RNF207: variants seen among roughly 807,000 people sequenced by gnomAD.
RNF207 encodes OTTHUMG00000001089.
A neutral mutation model predicts 79.0 loss-of-function variants in RNF207; 72 were observed. That is an observed-to-expected ratio of 0.91 (90% confidence interval 0.75 to 1.11). RNF207 has a LOEUF of 1.11. RNF207 is among the 50% of genes least tolerant of loss of function. The pLI, the probability that RNF207 is intolerant of heterozygous loss-of-function variation, is 0.00. For synonymous variants in RNF207, 348 were observed against 366.2 expected (o/e 0.95, Z 0.57); for missense variants, 936 against 855.8 (o/e 1.09, Z -1.17).
chr1:6,213,775 T>C (rs988061187), intron 16 of RNF207, among the ~76,000 whole-genome samples: 1 of 152,110 alleles, frequency 6.6e-6, no homozygotes, highest in Admixed American at 6.5e-5. Flanking sequence ...ACTTCATCAA[T>C]GTAAGACAAG....
chr1:6,217,343 T>C lies in RNF207; in HGVS notation c.1653-946T>C, dbSNP rs924253385. 6.6e-6 allele frequency among the ~76,000 whole-genome samples: 1 copy of C among 152,144 alleles called. No homozygotes were observed. The highest frequency in any genetic ancestry group is 1.5e-5 in the Non-Finnish European group (1 of 68,026). On this transcript the variant is annotated intron_variant, in intron 16 of 17. Coordinates refer to ENST00000377939, the MANE Select transcript of RNF207 (RefSeq NM_207396.3). The surrounding 1 kb of genome is among the most constrained non-coding windows in gnomAD (Gnocchi z 4.2). Reference sequence around the variant, plus strand: ...TTCTCCACAGCCTACGCTCACTCCTTGGGCGACCTCATTCAGTCCCTGGCT... The same window carrying C: ...TTCTCCACAGCCTACGCTCACTCCTCGGGCGACCTCATTCAGTCCCTGGCT...
In RNF207 at chr1:6,220,262, A is replaced by T. The variant is rs921218387; in HGVS notation, c.*855A>T. Reference sequence around the variant, plus strand: ...TAGCTTGGGATGACTCCCAGTCCACATGGAAAACATCAGGGAGTGACAATC... The same window carrying T: ...TAGCTTGGGATGACTCCCAGTCCACTTGGAAAACATCAGGGAGTGACAATC... On this transcript the variant is annotated 3_prime_UTR_variant, in exon 18 of 18. Transcript: ENST00000377939. The T allele has an allele frequency of 6.6e-6, 1 of 152,192 alleles. No homozygotes were observed. 9.4% of individuals were successfully genotyped at this position (152,192 alleles called of 1,614,324 possible).
chr1:6,213,074 C>T lies in RNF207; in HGVS notation c.1543C>T (p.His515Tyr), dbSNP rs756348359. ...TGGCCTTGGCCCCACAGCCCAGCTC[C>T]ATGACCTTCTCCAGCTGAGGCAGGA... ...NEQEIYEAQL[H>Y]DLLQLRQENA... The change falls in exon 16 of 18, where the codon CAT becomes TAT. Residue 515 changes from histidine (H) to tyrosine (Y), a missense_variant. His to Tyr is a moderately conservative substitution (Grantham distance 83). Coordinates refer to ENST00000377939, the MANE Select transcript of RNF207 (RefSeq NM_207396.3). The T allele has an allele frequency of 6.2e-7, 1 of 1,612,422 alleles. No homozygotes were observed. Among genetic ancestry groups the T allele is most frequent in the Non-Finnish European group, 8.5e-7 (1 of 1,178,802 alleles).
At chr1:6,210,487 C>A (rs776106757) in intron 10 of RNF207, 49 bp downstream of exon 10, 14 of 1,478,880 alleles carry the variant, frequency 9.5e-6, no homozygotes, top group African/African-American at 1.4e-5. Flanking sequence ...CAGGAGCCCA[C>A]CCTGCAGACC....
In RNF207 at chr1:6,209,448, C is replaced by A; in HGVS notation, c.662C>A (p.Ala221Asp). Residue 221 changes from alanine to aspartate, a missense_variant, in exon 7 of 18, where the codon GCC becomes GAC. By Grantham distance (126) the Ala-to-Asp change is moderately radical. Transcript: ENST00000377939. ...GCCCTGCAGACGGCCACGCGGGAGG[C>A]CATCGCGCTGCTGCAGGCCATGGTG... ...VKALQTATRE[A>D]IALLQAMVEE... 1 of 1,515,600 alleles carries A rather than the reference C, an allele frequency of 6.6e-7. No homozygotes were observed. The highest frequency in any genetic ancestry group is 8.8e-7 in the Non-Finnish European group (1 of 1,137,062). The allele number at this position is 1,515,600 out of a possible 1,614,324, so 93.9% of individuals were successfully genotyped here.
chr1:6,212,085 G>A, intron 13 of RNF207, 32 bp downstream of exon 13: 1 of 1,572,154 alleles, frequency 6.4e-7, no homozygotes, highest in Admixed American at 1.8e-5. Context: ...GGAGGGGGGA[G>A]ATGTCCTAAC....
At position 6,211,313 on chromosome 1, in the gene RNF207, G is replaced by T. The variant is rs1668159524; in HGVS notation, c.1109+195G>T. ...GGCGAGTCCACTAAGTAGGGGAACA[G>T]GAAGCCCTGGACCTGAAGTCCATGG... is the stretch of plus-strand genomic sequence containing the variant. On this transcript the variant is annotated intron_variant, in intron 12 of 17. Transcript: ENST00000377939. The surrounding 1 kb of genome is among the most constrained non-coding windows in gnomAD (Gnocchi z 4.2). Among the ~76,000 whole-genome samples the T allele has an allele frequency of 6.6e-6, 1 of 152,202 alleles. No individual in the cohort carries two copies. The highest frequency in any genetic ancestry group is 1.5e-5 in the Non-Finnish European group (1 of 68,030).
In RNF207 at chr1:6,221,102, CCAAA is replaced by C. The variant is rs1668536040; in HGVS notation, c.*1698_*1701del. On this transcript the variant is annotated 3_prime_UTR_variant, in exon 18 of 18. Transcript: ENST00000377939. The stretch of plus-strand genomic sequence containing the variant: ...GGAATTCAGAAAGAAATTGAGGAGG[CCAAA>C]CACACGTCGTTTGAGGCTAAAGGCT... 1 of 152,348 alleles carries C rather than the reference CCAAA, an allele frequency of 6.6e-6. No individual in the cohort carries two copies. The highest frequency in any genetic ancestry group is 2.4e-5 in the African/African-American group (1 of 41,432). The allele number at this position is 152,348 out of a possible 1,614,324, so 9.4% of individuals were successfully genotyped here. A position where few individuals can be genotyped will look rare whatever the true frequency, so the allele number is the denominator to read the frequency against.
intron 9 of RNF207, 29 bp downstream of exon 9, chr1:6,210,324 C>CCCT (rs779682896): frequency 5.0e-6 from 8 of 1,612,788 alleles, no homozygotes; most frequent in African/African-American, 1.3e-5. Context: ...GCGGGTGGGT[C>CCCT]CCTCCTCCTC....
intron 17 of RNF207, among the ~76,000 whole-genome samples, chr1:6,218,587 C>T (rs1442721960): frequency 6.6e-6 from 1 of 152,166 alleles, no homozygotes; most frequent in Non-Finnish European, 1.5e-5. Context: ...TAGACAGAAC[C>T]CCATTTTACC....
chr1:6,212,333 G>A lies in RNF207; in HGVS notation c.1399G>A (p.Val467Ile), dbSNP rs530556889. 6.6e-5 allele frequency: 107 copies of A among 1,613,918 alleles called. No homozygotes were observed. In the East Asian group the frequency reaches 7.8e-4, roughly 12 times the overall value. ...CATCAAGGCGGAGATCATGGGAGACGTCCTGCACAAGTCCCTGCAACTGGA... is the reference window on the plus strand; with the variant it reads ...CATCAAGGCGGAGATCATGGGAGACATCCTGCACAAGTCCCTGCAACTGGA... Reference protein sequence around the residue: ...SLIKAEIMGDVLHKSLQLDVQ... With the variant: ...SLIKAEIMGDILHKSLQLDVQ... The change falls in exon 14 of 18, where the codon GTC becomes ATC. Residue 467 changes from valine to isoleucine, a missense_variant. By Grantham distance (29) the Val-to-Ile change is conservative. Coordinates refer to ENST00000377939, the MANE Select transcript of RNF207 (RefSeq NM_207396.3).
At chr1:6,208,436 G>C (rs1294812867) in intron 3 of RNF207, 1 of 160,546 alleles carries the variant, frequency 6.2e-6, no homozygotes, top group East Asian at 1.9e-4. Context: ...CTTCTGCCTC[G>C]GCCTCCCGAG....
Position 6,207,544 on chromosome 1 carries a change from G to T in RNF207, c.324+33G>T. 1 of 1,574,592 alleles carries T rather than the reference G, an allele frequency of 6.4e-7. No individual in the cohort carries two copies. The highest frequency in any genetic ancestry group is 8.6e-7 in the Non-Finnish European group (1 of 1,163,182). On this transcript the variant is annotated intron_variant, in intron 3 of 17. Transcript: ENST00000377939. This position sits in a 1 kb window ranked among gnomAD's most constrained non-coding sequence, Gnocchi z 4.5. ...CGGCAGGGCGGGTGGGTGAGGAGCA[G>T]AGGGTACCCGGTTGCACAGTCCCCA...
At position 6,212,225 on chromosome 1, in the gene RNF207, G is replaced by C; in HGVS notation, c.1297-6G>C. The C allele has an allele frequency of 1.2e-6, 2 of 1,610,378 alleles. No homozygotes were observed. Among genetic ancestry groups the C allele is most frequent in the Non-Finnish European group, 1.7e-6 (2 of 1,178,318 alleles). ...ACCCACGCTCTCACACAGCCTCTCT[G>C]TGCAGCACCTGCAGGCAGAGATGCA... On this transcript the variant is annotated splice_region_variant and splice_polypyrimidine_tract_variant and intron_variant, in intron 13 of 17. Transcript: ENST00000377939.
Position 6,207,640 on chromosome 1 carries a change from G to T in RNF207, c.324+129G>T. The T allele has an allele frequency of 9.1e-7, 1 of 1,100,320 alleles. No homozygotes were observed. Among genetic ancestry groups the T allele is most frequent in the Non-Finnish European group, 1.3e-6 (1 of 748,248 alleles). 68.2% of individuals were successfully genotyped at this position (1,100,320 alleles called of 1,614,324 possible). A position where few individuals can be genotyped will look rare whatever the true frequency, so the allele number is the denominator to read the frequency against. On this transcript the variant is annotated intron_variant, in intron 3 of 17. Transcript: ENST00000377939. The surrounding 1 kb of genome is among the most constrained non-coding windows in gnomAD (Gnocchi z 4.5). ...GTGGATTCTCCAGCACCTCCCTAGGGCACCTTGGCCCCAAATGTGAACCCC... is the reference window on the plus strand; with the variant it reads ...GTGGATTCTCCAGCACCTCCCTAGGTCACCTTGGCCCCAAATGTGAACCCC...
Position 6,219,488 on chromosome 1 carries a change from G to A in RNF207, c.*81G>A, listed in dbSNP as rs1453524332. On this transcript the variant is annotated 3_prime_UTR_variant, in exon 18 of 18. Coordinates refer to ENST00000377939, the MANE Select transcript of RNF207 (RefSeq NM_207396.3). ...CTGGACAGAAGGTTGTTCCCATGAT[G>A]GTTTTTTTTATTTTTTATTTTTGAG... 9.3e-7 allele frequency: 1 copy of A among 1,079,566 alleles called. No individual in the cohort carries two copies. The highest frequency in any genetic ancestry group is 1.3e-6 in the Non-Finnish European group (1 of 769,188). The allele number at this position is 1,079,566 out of a possible 1,614,324, so 66.9% of individuals were successfully genotyped here.
At chr1:6,212,583 C>A in intron 14 of RNF207, 99 bp from the exon 15 acceptor site, 2 of 1,282,416 alleles carry the variant, frequency 1.6e-6, no homozygotes, top group Non-Finnish European at 1.1e-6. Flanking sequence ...GTGGACCTGG[C>A]TGGGGGGTGC....
At chr1:6,210,329 C>T in intron 9 of RNF207, 34 bp downstream of exon 9, 8 of 1,613,046 alleles carry the variant, frequency 5.0e-6, no homozygotes, top group Non-Finnish European at 6.8e-6. Context: ...TGGGTCCCTC[C>T]TCCTCCCCGG....
intron 16 of RNF207, among the ~76,000 whole-genome samples, chr1:6,213,811 G>C (rs193021016): frequency 7.2e-5 from 11 of 152,292 alleles, no homozygotes; most frequent in African/African-American, 2.2e-4. Flanking sequence ...GTCCTGACCA[G>C]GCTGTCTCAG....
Sources: allele counts gnomAD v4.1 joint callset (sites outside exome capture counted in the v4.1 genomes callset), GRCh38; gene constraint gnomAD v4.1.1; non-coding constraint Gnocchi (gnomAD v3.1); transcripts MANE v1.5; gene names NCBI Gene and HGNC (gene_info 2026-07-23, HGNC 2026-07-21).